HNRNPUL2: variants seen among roughly 807,000 people sequenced by gnomAD.
The protein encoded by HNRNPUL2 is heterogeneous nuclear ribonucleoprotein U like 2.
HNRNPUL2 carries 27 observed loss-of-function variants against 102.2 expected under a neutral mutation model. The observed-to-expected ratio is 0.26, with a 90% CI of 0.19 to 0.36. The LOEUF (loss-of-function observed/expected upper bound fraction) is 0.36, where lower values mean the gene tolerates loss of function less well. Ranked by LOEUF, HNRNPUL2 falls within the 10% of genes least tolerant of loss-of-function variation. The pLI, the probability that HNRNPUL2 is intolerant of heterozygous loss-of-function variation, is 1.00. For synonymous variants in HNRNPUL2, 458 were observed against 387.2 expected (o/e 1.18, Z -2.15); for missense variants, 936 against 981.1 (o/e 0.95, Z 0.61).
chr11:62,720,493 G>A (rs1274906962), intron 9 of HNRNPUL2, among the ~76,000 whole-genome samples: 1 of 147,696 alleles, frequency 6.8e-6, no homozygotes, highest in Non-Finnish European at 1.5e-5. Context: ...GCAGTGGGCT[G>A]AGATCACGCC....
chr11:62,724,258 A>G (rs2083726711), intron 2 of HNRNPUL2, 33 bp downstream of exon 2: 1 of 1,613,520 alleles, frequency 6.2e-7, no homozygotes, highest in Non-Finnish European at 8.5e-7. Context: ...CAGAGCAGAC[A>G]CTCCCTTCAA....
rs368153696 is a variant in HNRNPUL2, at chr11:62,715,252, C to T, written c.*47G>A. On this transcript the variant is annotated 3_prime_UTR_variant, in exon 14 of 14. Transcript: ENST00000301785. ...TGTGTTTTGCGGGGGTGCCTGGCACCCCCAGAGATTCAGCTTCATGGCTGA... is the reference window on the plus strand; with the variant it reads ...TGTGTTTTGCGGGGGTGCCTGGCACTCCCAGAGATTCAGCTTCATGGCTGA... 43 of 1,524,712 alleles carry T rather than the reference C, an allele frequency of 2.8e-5. No individual in the cohort carries two copies. In the Middle Eastern group the frequency reaches 6.9e-4, roughly 25 times the overall value. 94.4% of individuals were successfully genotyped at this position (1,524,712 alleles called of 1,614,324 possible).
intron 1 of HNRNPUL2, 138 bp from the exon 2 acceptor site, chr11:62,724,564 C>T (rs1381997527): frequency 5.4e-6 from 5 of 918,566 alleles, no homozygotes; most frequent in Non-Finnish European, 8.1e-6. Context: ...ATTCACATAA[C>T]ATTTTATTTC....
Position 62,727,422 on chromosome 11 carries a change from T to C in HNRNPUL2, c.-266A>G. The C allele has an allele frequency of 3.1e-6, 1 of 321,024 alleles. No homozygotes were observed. Among genetic ancestry groups the C allele is most frequent in the Non-Finnish European group, 5.4e-6 (1 of 186,872 alleles). The allele number at this position is 321,024 out of a possible 1,614,324, so 19.9% of individuals were successfully genotyped here. On this transcript the variant is annotated 5_prime_UTR_variant, in exon 1 of 14. Coordinates refer to ENST00000301785, the MANE Select transcript of HNRNPUL2 (RefSeq NM_001079559.3). ...AGCTGTTTCCCCTCCAGGCCCTTGG[T>C]TCCCCAGCCGCGGGCAGGCGCGCGC...
chr11:62,720,459 G>A (rs1372173048), intron 9 of HNRNPUL2, among the ~76,000 whole-genome samples: 4 of 150,708 alleles, frequency 2.7e-5, no homozygotes, highest in Non-Finnish European at 5.9e-5. Flanking sequence ...CGGAAGAATC[G>A]CTTGAACCCA....
Position 62,726,916 on chromosome 11 carries a change from C to T in HNRNPUL2, c.241G>A (p.Glu81Lys). Residue 81 changes from glutamate (E) to lysine (K), a missense_variant, in exon 1 of 14, where the codon GAG becomes AAG. This residue lies in a region of HNRNPUL2 where 327 missense variants were observed against 268.1 expected (regional missense o/e 1.22). Transcript: ENST00000301785. ...AGCGCCTCCTCGTCCTCCTCCTCCT[C>T]CTCTTCGTCCTCCTCCTCGTCCCCG... ...PGGDEEEDEE[E>K]EEEDEEALLE... 7 of 1,533,658 alleles carry T rather than the reference C, an allele frequency of 4.6e-6. No individual in the cohort carries two copies. Among genetic ancestry groups the T allele is most frequent in the Non-Finnish European group, 5.2e-6 (6 of 1,150,212 alleles).
intron 1 of HNRNPUL2, among the ~76,000 whole-genome samples, chr11:62,726,259 G>T (rs957592180): frequency 6.6e-6 from 1 of 152,114 alleles, no homozygotes; most frequent in Non-Finnish European, 1.5e-5. Context: ...CTCTAACTGT[G>T]GGCCTAGTTC....
At chr11:62,716,653 A>G (rs529370262) in intron 11 of HNRNPUL2, among the ~76,000 whole-genome samples, 1 of 152,252 alleles carries the variant, frequency 6.6e-6, no homozygotes, top group Non-Finnish European at 1.5e-5. Context: ...CAAATCCTTC[A>G]GATAAGACAG....
chr11:62,726,070 C>T (rs2083742939), intron 1 of HNRNPUL2, among the ~76,000 whole-genome samples: 1 of 152,216 alleles, frequency 6.6e-6, no homozygotes, highest in South Asian at 2.1e-4. Context: ...TTAAACTCGA[C>T]ACTGTTACAC....
Position 62,727,307 on chromosome 11 carries a change from G to A in HNRNPUL2, c.-151C>T, listed in dbSNP as rs1212209900. ...GCGAGCGCACGCACGCAGGAGCGGAGGCCGCGCACGGTCCCGCTGCGCAGT... is the reference window on the plus strand; with the variant it reads ...GCGAGCGCACGCACGCAGGAGCGGAAGCCGCGCACGGTCCCGCTGCGCAGT... On this transcript the variant is annotated 5_prime_UTR_variant, in exon 1 of 14. Transcript: ENST00000301785. The A allele has an allele frequency of 3.1e-6, 3 of 966,994 alleles. No homozygotes were observed. Among genetic ancestry groups the A allele is most frequent in the Non-Finnish European group, 4.0e-6 (3 of 753,492 alleles). The allele number at this position is 966,994 out of a possible 1,614,324, so 59.9% of individuals were successfully genotyped here.
Position 62,726,880 on chromosome 11 carries a change from C to G in HNRNPUL2, c.277G>C (p.Glu93Gln). The G allele has an allele frequency of 6.3e-7, 1 of 1,578,048 alleles. No homozygotes were observed. ...TGAGCAGGGGGTGGCTCCTCGTCCT[C>G]GTCCTCAAGCAGCGCCTCCTCGTCC... is the stretch of plus-strand genomic sequence containing the variant. ...EEDEEALLED[E>Q]DEEPPPAQAL... The change falls in exon 1 of 14, where the codon GAG becomes CAG. Residue 93 changes from glutamate (E) to glutamine (Q), a missense_variant. Coordinates refer to ENST00000301785, the MANE Select transcript of HNRNPUL2 (RefSeq NM_001079559.3).
In HNRNPUL2 at chr11:62,727,013, G is replaced by A. The variant is rs1225114897; in HGVS notation, c.144C>T (p.Gly48=). 18 of 1,366,278 alleles carry A rather than the reference G, an allele frequency of 1.3e-5. No individual in the cohort carries two copies. The highest frequency in any genetic ancestry group is 1.7e-5 in the Non-Finnish European group (18 of 1,060,786). 84.6% of individuals were successfully genotyped at this position (1,366,278 alleles called of 1,614,324 possible). A position where few individuals can be genotyped will look rare whatever the true frequency, so the allele number is the denominator to read the frequency against. ...AGGCCCCGCCGGGCCCGGCCCCGCC[G>A]CCGCCGGCCTCGTCCTCGAGCATCT... ...DAEMLEDEAG[G]GGAGPGGACK... The change falls in exon 1 of 14, where the codon GGC becomes GGT. Residue 48 remains glycine, a synonymous_variant. Coordinates refer to ENST00000301785, the MANE Select transcript of HNRNPUL2 (RefSeq NM_001079559.3).
chr11:62,720,205 G>A lies in HNRNPUL2; in HGVS notation c.1612-14C>T, dbSNP rs2083689968. ...GTACACATTACACTAAGAACAGGAGGAATAACTGATGTTTAGGAAGAAAAT... is the reference window on the plus strand; with the variant it reads ...GTACACATTACACTAAGAACAGGAGAAATAACTGATGTTTAGGAAGAAAAT... On this transcript the variant is annotated splice_polypyrimidine_tract_variant and intron_variant, in intron 9 of 13. Transcript: ENST00000301785. The A allele has an allele frequency of 6.2e-7, 1 of 1,610,088 alleles. No individual in the cohort carries two copies. Among genetic ancestry groups the A allele is most frequent in the Admixed American group, 1.7e-5 (1 of 59,894 alleles).
At chr11:62,725,732 T>C (rs996562562) in intron 1 of HNRNPUL2, among the ~76,000 whole-genome samples, 1 of 152,194 alleles carries the variant, frequency 6.6e-6, no homozygotes, top group Non-Finnish European at 1.5e-5. Flanking sequence ...GGACACACAC[T>C]GTTATGGATC....
chr11:62,719,323 T>G (rs1387542753), intron 10 of HNRNPUL2, among the ~76,000 whole-genome samples: 2 of 152,268 alleles, frequency 1.3e-5, no homozygotes, highest in East Asian at 3.9e-4. Flanking sequence ...TGGTGGCACA[T>G]GCTTGTAATC....
At chr11:62,722,948 A>T in intron 4 of HNRNPUL2, 45 bp from the exon 5 acceptor site, 2 of 1,456,074 alleles carry the variant, frequency 1.4e-6, no homozygotes, top group Non-Finnish European at 1.9e-6. Context: ...TGACCAACTG[A>T]GTAGCAAACT....
At position 62,713,784 on chromosome 11, in the gene HNRNPUL2, T is replaced by G. The variant is rs2083637030; in HGVS notation, c.*1515A>C. On this transcript the variant is annotated 3_prime_UTR_variant, in exon 14 of 14. Transcript: ENST00000301785. ...CACAGATTTTCTCACTAGGAACTGC[T>G]GCAGTATGTGGTGTCTGCTGAGTAA... 1 of 152,278 alleles carries G rather than the reference T, an allele frequency of 6.6e-6. No individual in the cohort carries two copies. The highest frequency in any genetic ancestry group is 1.5e-5 in the Non-Finnish European group (1 of 68,078). The allele number at this position is 152,278 out of a possible 1,614,324, so 9.4% of individuals were successfully genotyped here.
rs7479842 is a variant in HNRNPUL2 at position 62,714,987 on chromosome 11, G to A, written c.*312C>T. ...TTTTCCTGTCTGACTGTAGGGTATA[G>A]AACAGGCAGCCCTAAGTGCTGCTTT... On this transcript the variant is annotated 3_prime_UTR_variant, in exon 14 of 14. Transcript: ENST00000301785. 5 of 285,428 alleles carry A rather than the reference G, an allele frequency of 1.8e-5. No homozygotes were observed. The highest frequency in any genetic ancestry group is 1.4e-4 in the Admixed American group (3 of 20,800). The allele number at this position is 285,428 out of a possible 1,614,324, so 17.7% of individuals were successfully genotyped here.
rs950555522 is a variant in HNRNPUL2 at position 62,714,398 on chromosome 11, G to A, written c.*901C>T. Reference sequence around the variant, plus strand: ...GTAAGAGGACAGACACTCTAACAGGGATGATTTCAGAGACCTCCCACCTCT... The same window carrying A: ...GTAAGAGGACAGACACTCTAACAGGAATGATTTCAGAGACCTCCCACCTCT... On this transcript the variant is annotated 3_prime_UTR_variant, in exon 14 of 14. Coordinates refer to ENST00000301785, the MANE Select transcript of HNRNPUL2 (RefSeq NM_001079559.3). 1 of 152,114 alleles carries A rather than the reference G, an allele frequency of 6.6e-6. No homozygotes were observed. Among genetic ancestry groups the A allele is most frequent in the Admixed American group, 6.5e-5 (1 of 15,272 alleles). 9.4% of individuals were successfully genotyped at this position (152,114 alleles called of 1,614,324 possible). A position where few individuals can be genotyped will look rare whatever the true frequency, so the allele number is the denominator to read the frequency against.
Sources: gnomAD v4.1 joint callset for allele counts (sites outside exome capture counted in the v4.1 genomes callset) on GRCh38, gnomAD v4.1.1 for gene constraint, gnomAD v4.1.1 regional missense constraint, MANE v1.5 for transcripts, NCBI Gene and HGNC (gene_info 2026-07-23, HGNC 2026-07-21) for gene names.